Variants in CCDC14 observed in about 807,000 individuals in gnomAD.
The protein encoded by CCDC14 is coiled-coil domain containing 14.
In CCDC14, 71 loss-of-function variants were observed where a neutral mutation model predicts 81.4. That is an observed-to-expected ratio of 0.87 (90% CI 0.72 to 1.06). The LOEUF (loss-of-function observed/expected upper bound fraction) is 1.06, where lower values mean the gene tolerates loss of function less well. Ranked by LOEUF, CCDC14 falls within the 50% of genes least tolerant of loss-of-function variation. The pLI, the probability that CCDC14 is intolerant of heterozygous loss-of-function variation, is 0.00. For synonymous variants in CCDC14, 332 were observed against 364.8 expected, an observed-to-expected ratio of 0.91 and a Z score of 1.03; for missense variants, 1,046 against 1,047.3, an observed-to-expected ratio of 1.00 and a Z score of 0.02.
chr3:123,956,912 C>T, intron 1 of CCDC14, 117 bp from the exon 2 acceptor site: 1 of 625,976 alleles, frequency 1.6e-6, no homozygotes, highest in South Asian at 2.4e-5. Context: ...CAAACTGAAA[C>T]TCTGCATCCA....
At chr3:123,890,928 C>T in the CCDC14 span, among the ~76,000 whole-genome samples, 1 of 152,354 alleles carries the variant, frequency 6.6e-6, no homozygotes, top group Non-Finnish European at 1.5e-5. Context: ...CAAACTTCCA[C>T]CTGGGCATCC....
At chr3:123,921,973 T>C (rs566794739) in intron 12 of CCDC14, among the ~76,000 whole-genome samples, 2 of 152,188 alleles carry the variant, frequency 1.3e-5, no homozygotes, top group Admixed American at 1.3e-4. Flanking sequence ...GGATAGATCA[T>C]GTTAGACCAC....
At chr3:123,953,144 T>C (rs1014763854) in intron 5 of CCDC14, 2 of 154,160 alleles carry the variant, frequency 1.3e-5, no homozygotes, top group African/African-American at 4.8e-5. Context: ...TTCACCCTGG[T>C]CTCCCTGGAA....
At chr3:123,934,200 G>T (rs111411776) in intron 9 of CCDC14, among the ~76,000 whole-genome samples, 1 of 148,604 alleles carries the variant, frequency 6.7e-6, no homozygotes, top group Admixed American at 6.8e-5. Context: ...TTGAACCTGG[G>T]AGGTGGAGGT....
chr3:123,921,756 C>CAA (rs201849450), intron 12 of CCDC14, among the ~76,000 whole-genome samples: 6 of 150,932 alleles, frequency 4.0e-5, no homozygotes, highest in Admixed American at 1.3e-4. Flanking sequence ...AAAAATTTGT[C>CAA]AAAAAAAAAT....
intron 5 of CCDC14, among the ~76,000 whole-genome samples, chr3:123,907,644 A>C (rs1171160102): frequency 6.6e-6 from 1 of 152,046 alleles, no homozygotes; most frequent in East Asian, 1.9e-4. Context: ...GTTTGAGGTT[A>C]CAGTGAGCTT....
chr3:123,911,374 C>G (rs1482558316), downstream of CCDC14, among the ~76,000 whole-genome samples: 1 of 152,096 alleles, frequency 6.6e-6, no homozygotes, highest in South Asian at 2.1e-4. Flanking sequence ...TTAGAACCCA[C>G]ATGTTTAAGC....
rs146927723 is a variant in CCDC14, at chr3:123,944,994, T to C, written c.1202-4A>G. ...AACCTCTGAATTTCTGAATCCTCTATAGAAGGCAACAGAAATGAGTAAAAT... is the reference window on the plus strand; with the variant it reads ...AACCTCTGAATTTCTGAATCCTCTACAGAAGGCAACAGAAATGAGTAAAAT... On this transcript the variant is annotated splice_region_variant and splice_polypyrimidine_tract_variant and intron_variant, in intron 8 of 12. Transcript: ENST00000409697. 253 of 1,582,008 alleles carry C rather than the reference T, an allele frequency of 1.6e-4. No individual in the cohort carries two copies. The African/African-American group carries it at 3.0e-3, about 19-fold the overall frequency.
At position 123,946,846 on chromosome 3, in the gene CCDC14, T is replaced by A. The variant is rs1454614192; in HGVS notation, c.1158A>T (p.Ile386=). The change falls in exon 8 of 13, where the codon ATA becomes ATT. Residue 386 remains isoleucine, a synonymous_variant. Coordinates refer to ENST00000409697, the MANE Select transcript of CCDC14 (RefSeq NM_001366335.1). ...CCTTGAGCTCTCCCAACAAATATTT[T>A]ATAATTCTAACTTTTTCAGCTGTCT... is the stretch of plus-strand genomic sequence containing the variant. ...VNKTAEKVRI[I]KYLLGELKAL... The A allele has an allele frequency of 1.2e-6, 2 of 1,613,924 alleles. No homozygotes were observed. Among genetic ancestry groups the A allele is most frequent in the Admixed American group, 3.3e-5 (2 of 60,006 alleles).
chr3:123,958,481 A>G (rs1377170465), intron 1 of CCDC14: 1 of 152,086 alleles, frequency 6.6e-6, no homozygotes, highest in Admixed American at 6.5e-5. Flanking sequence ...TGTAGTTTCT[A>G]CTATGAAATA....
In CCDC14 at chr3:123,952,792, C is replaced by G. The variant is rs949066574; in HGVS notation, c.352+3051G>C. Reference sequence around the variant, plus strand: ...CTTAAAGTTCTTTATGATTACTTCACTTGGAGACGGTAAAGAGAACAAGTT... The same window carrying G: ...CTTAAAGTTCTTTATGATTACTTCAGTTGGAGACGGTAAAGAGAACAAGTT... On this transcript the variant is annotated intron_variant, in intron 5 of 12. Coordinates refer to ENST00000409697, the MANE Select transcript of CCDC14 (RefSeq NM_001366335.1). The G allele has an allele frequency of 1.2e-4, 30 of 249,760 alleles. 1 individual carries two copies. The highest frequency in any genetic ancestry group is 1.1e-3 in the South Asian group (21 of 19,720). The allele number at this position is 249,760 out of a possible 1,614,324, so 15.5% of individuals were successfully genotyped here.
At chr3:123,906,202 C>T (rs1185360976) in intron 5 of CCDC14, among the ~76,000 whole-genome samples, 1 of 152,004 alleles carries the variant, frequency 6.6e-6, no homozygotes, top group Non-Finnish European at 1.5e-5. Flanking sequence ...TGGTGGTGGG[C>T]ACCTGTAGTC....
Position 123,915,667 on chromosome 3 carries a change from A to C in CCDC14, c.1830T>G (p.Ser610Arg). 6.2e-7 allele frequency: 1 copy of C among 1,613,936 alleles called. No homozygotes were observed. The highest frequency in any genetic ancestry group is 8.5e-7 in the Non-Finnish European group (1 of 1,179,858). Reference protein sequence around the residue: ...AKLLSDLSVDSARCKPGNNLT... With the variant: ...AKLLSDLSVDRARCKPGNNLT... ...GGTTATTCCCAGGCTTGCAGCGAGC[A>C]CTGTCCACACTAAGATCGGAGAGAA... The change falls in exon 13 of 13, where the codon AGT becomes AGG. Residue 610 changes from serine (S) to arginine (R), a missense_variant. Transcript: ENST00000409697.
chr3:123,934,270 C>CAAAAAAAA (rs61094944), intron 9 of CCDC14, among the ~76,000 whole-genome samples: 2 of 52,290 alleles, frequency 3.8e-5, no homozygotes, highest in African/African-American at 8.4e-5. Context: ...GACTCTGCCT[C>CAAAAAAAA]AAAAAAAAAA....
chr3:123,915,961 CAG>C (rs1183687998), intron 12 of CCDC14, among the ~76,000 whole-genome samples: 2 of 149,272 alleles, frequency 1.3e-5, no homozygotes, highest in Admixed American at 6.7e-5. Flanking sequence ...AATAGAGGCT[CAG>C]AATTTTTTTT....
chr3:123,924,813 A>C (rs376843641), intron 12 of CCDC14, among the ~76,000 whole-genome samples: 11 of 152,122 alleles, frequency 7.2e-5, no homozygotes, highest in East Asian at 5.8e-4. Flanking sequence ...TAGGAATGTA[A>C]ATTAGTATAG....
chr3:123,943,852 G>A (rs2036487896), intron 9 of CCDC14, among the ~76,000 whole-genome samples: 1 of 152,106 alleles, frequency 6.6e-6, no homozygotes, highest in Admixed American at 6.6e-5. Context: ...CTTGCCCTCT[G>A]CATCTCTTCA....
intron 12 of CCDC14, among the ~76,000 whole-genome samples, chr3:123,923,192 G>A (rs78929015): frequency 0.11 from 16,755 of 151,908 alleles, 2,068 homozygotes; most frequent in East Asian, 0.42. Context: ...TATGATCATC[G>A]CAAAAGATGC....
chr3:123,913,278 A>G (rs949231999), downstream of CCDC14: 1 of 602,198 alleles, frequency 1.7e-6, no homozygotes, highest in Non-Finnish European at 2.1e-6. Context: ...TAATTAATTG[A>G]ACACACAAGC....
Sources: gnomAD v4.1 joint callset for allele counts (sites outside exome capture counted in the v4.1 genomes callset) on GRCh38, gnomAD v4.1.1 for gene constraint, MANE v1.5 for transcripts, NCBI Gene and HGNC (gene_info 2026-07-23, HGNC 2026-07-21) for gene names.